Variants in TMPO observed in about 807,000 individuals in gnomAD.
TMPO encodes thymopoietin, also known as LEM domain containing 4.
A neutral mutation model predicts 45.4 loss-of-function variants in TMPO; 22 were observed. The ratio of observed to expected loss-of-function variants is 0.48; its 90% confidence interval spans 0.35 to 0.69. The LOEUF (loss-of-function observed/expected upper bound fraction) is 0.69, where lower values mean the gene tolerates loss of function less well. Among genes scored for constraint, TMPO ranks in the 30% least tolerant of loss-of-function variants. The pLI is 0.01. For missense variants in TMPO, 512 were observed against 548.8 expected (o/e 0.93, Z 0.67); for synonymous variants, 241 against 204.1 (o/e 1.18, Z -1.54).
chr12:98,540,353 C>T (rs1419886179), intron 4 of TMPO, among the ~76,000 whole-genome samples: 1 of 152,052 alleles, frequency 6.6e-6, no homozygotes, highest in Non-Finnish European at 1.5e-5. Context: ...GGCTGAGAAA[C>T]TCTGTTTTGC....
chr12:98,548,138 C>A lies in TMPO; in HGVS notation c.*280C>A. The A allele has an allele frequency of 3.3e-6, 1 of 302,006 alleles. No homozygotes were observed. Among genetic ancestry groups the A allele is most frequent in the East Asian group, 7.1e-5 (1 of 14,142 alleles). 18.7% of individuals were successfully genotyped at this position (302,006 alleles called of 1,614,324 possible). On this transcript the variant is annotated 3_prime_UTR_variant, in exon 9 of 9. Transcript: ENST00000556029. ...TTTTTTTAATGTGGGCATCTTATTTCATTTTTGAAAAAATGTATATGTTTT... is the reference window on the plus strand; with the variant it reads ...TTTTTTTAATGTGGGCATCTTATTTAATTTTTGAAAAAATGTATATGTTTT...
At chr12:98,524,160 T>A (rs1213820848) in intron 1 of TMPO, among the ~76,000 whole-genome samples, 4 of 152,238 alleles carry the variant, frequency 2.6e-5, no homozygotes, top group Non-Finnish European at 5.9e-5. Context: ...GCGTCTGCTT[T>A]CTGTTGCTTG....
intron 6 of TMPO, 193 bp from the exon 7 acceptor site, chr12:98,544,747 AAGTATAAGGAT>A (rs1878120643): frequency 1.5e-6 from 1 of 647,092 alleles, no homozygotes; most frequent in Admixed American, 2.9e-5. Flanking sequence ...TTGTACAAGA[AAGTATAAGGAT>A]ATTTTTTGTT....
chr12:98,534,683 A>G, intron 3 of TMPO: 1 of 1,109,614 alleles, frequency 9.0e-7, no homozygotes, highest in Non-Finnish European at 1.1e-6. Flanking sequence ...TGTTCAATAG[A>G]ATAATATGCA....
intron 2 of TMPO, among the ~76,000 whole-genome samples, chr12:98,528,879 A>C (rs764480892): frequency 7.9e-5 from 12 of 152,014 alleles, no homozygotes; most frequent in Admixed American, 6.6e-4. Flanking sequence ...GGATTGCTTG[A>C]GATGGTGGGG....
intron 1 of TMPO, among the ~76,000 whole-genome samples, chr12:98,521,099 A>ATTTTTTGTTTTTTTTTTTTTTTTT (rs1565804759): frequency 1.1e-5 from 1 of 93,018 alleles, no homozygotes; most frequent in Non-Finnish European, 2.4e-5. Context: ...GTTTATGAGG[A>ATTTTTTGTTTTTTTTTTTTTTTTT]ATTTTTTTTT....
At chr12:98,545,628 A>G (rs1325951453) in intron 7 of TMPO, among the ~76,000 whole-genome samples, 1 of 152,214 alleles carries the variant, frequency 6.6e-6, no homozygotes, top group East Asian at 1.9e-4. Flanking sequence ...GGCATATTGC[A>G]TTGACTATAA....
rs1415513670 is a variant in TMPO at position 98,533,908 on chromosome 12, G to C, written c.565+2070G>C. ...GTTTATTTCTGAAGCCACTCCACTA[G>C]GAGGTATTCAAGCAGCCTCCACTGA... On this transcript the variant is annotated intron_variant, in intron 3 of 8. Transcript: ENST00000556029. 6.2e-7 allele frequency: 1 copy of C among 1,614,020 alleles called. No homozygotes were observed. The highest frequency in any genetic ancestry group is 1.3e-5 in the African/African-American group (1 of 74,936).
At chr12:98,516,636 A>G in intron 1 of TMPO, 1 of 756,890 alleles carries the variant, frequency 1.3e-6, no homozygotes, top group Non-Finnish European at 1.6e-6. Flanking sequence ...GAAATGAGGA[A>G]ATTCCCGCCT....
chr12:98,529,812 G>A (rs1006309073), intron 2 of TMPO, among the ~76,000 whole-genome samples: 1 of 152,178 alleles, frequency 6.6e-6, no homozygotes, highest in Non-Finnish European at 1.5e-5. Context: ...TCCCACTTAG[G>A]CCTCCCTAAG....
chr12:98,517,169 A>G (rs1875919574), intron 1 of TMPO, among the ~76,000 whole-genome samples: 1 of 152,160 alleles, frequency 6.6e-6, no homozygotes, highest in African/African-American at 2.4e-5. Context: ...ATATTGGTAA[A>G]TTTTGCTTGA....
chr12:98,544,147 T>C, intron 4 of TMPO, 83 bp from the exon 5 acceptor site: 1 of 1,494,106 alleles, frequency 6.7e-7, no homozygotes, highest in Non-Finnish European at 9.3e-7. Flanking sequence ...TTCTATTTCA[T>C]GGCTTCTCAG....
At chr12:98,534,368 A>G (rs371325939) in intron 3 of TMPO, 58 of 1,608,562 alleles carry the variant, frequency 3.6e-5, no homozygotes, top group African/African-American at 2.3e-4. Flanking sequence ...AAAGACATCT[A>G]TCTTATCTTT....
At chr12:98,544,583 A>G (rs1878109112) in intron 6 of TMPO, 46 bp downstream of exon 6, 1 of 1,490,702 alleles carries the variant, frequency 6.7e-7, no homozygotes, top group Non-Finnish European at 9.3e-7. Context: ...TTTGTAAATT[A>G]CCCTTTAATT....
chr12:98,533,164 A>G lies in TMPO; in HGVS notation c.565+1326A>G, dbSNP rs1366698215. 1.2e-6 allele frequency: 2 copies of G among 1,614,150 alleles called. No individual in the cohort carries two copies. Among genetic ancestry groups the G allele is most frequent in the East Asian group, 2.2e-5 (1 of 44,886 alleles). ...ATCTTCTCAGCCTGAACACAGTGCCATGTTGGTCTCTACTGCAGCTTCTCC... is the reference window on the plus strand; with the variant it reads ...ATCTTCTCAGCCTGAACACAGTGCCGTGTTGGTCTCTACTGCAGCTTCTCC... On this transcript the variant is annotated intron_variant, in intron 3 of 8. Transcript: ENST00000556029.
chr12:98,547,115 G>T (rs1033056597), intron 8 of TMPO, among the ~76,000 whole-genome samples: 6 of 141,308 alleles, frequency 4.2e-5, no homozygotes, highest in Admixed American at 2.2e-4. Context: ...TTGCTCTGTT[G>T]CCCAGGCTGG....
Position 98,515,836 on chromosome 12 carries a change from G to A in TMPO, c.-32G>A. The stretch of plus-strand genomic sequence containing the variant: ...GCCGGCGTGAGCGGCGGCGGCAAAG[G>A]CTGTGGGGAGGGGGCTTCGCAGATC... On this transcript the variant is annotated 5_prime_UTR_variant, in exon 1 of 9. Coordinates refer to ENST00000556029, the MANE Select transcript of TMPO (RefSeq NM_001032283.3). The A allele has an allele frequency of 6.3e-7, 1 of 1,597,306 alleles. No individual in the cohort carries two copies. Among genetic ancestry groups the A allele is most frequent in the Non-Finnish European group, 8.5e-7 (1 of 1,172,834 alleles).
chr12:98,526,784 C>T (rs1876792130), intron 1 of TMPO, among the ~76,000 whole-genome samples: 1 of 151,956 alleles, frequency 6.6e-6, no homozygotes, highest in Non-Finnish European at 1.5e-5. Flanking sequence ...ATGTTGAAAC[C>T]CCGTCTCTAC....
chr12:98,530,395 G>A (rs1377571042), intron 2 of TMPO, among the ~76,000 whole-genome samples: 1 of 151,818 alleles, frequency 6.6e-6, no homozygotes, highest in East Asian at 1.9e-4. Flanking sequence ...TATAATATCA[G>A]CCTACATTAA....
Sources: allele counts gnomAD v4.1 joint callset (sites outside exome capture counted in the v4.1 genomes callset), GRCh38; gene constraint gnomAD v4.1.1; transcripts MANE v1.5; gene names NCBI Gene and HGNC (gene_info 2026-07-23, HGNC 2026-07-21).